Variants in RALYL observed in about 807,000 individuals in gnomAD.
The protein encoded by RALYL is RNA-binding Raly-like protein.
Under a neutral mutation model 35.1 loss-of-function variants are expected in RALYL, and 29 were observed. The observed-to-expected ratio is 0.83, with a 90% CI of 0.61 to 1.13. The LOEUF (loss-of-function observed/expected upper bound fraction) is 1.13. Among genes scored for constraint, RALYL ranks in the 50% most tolerant of loss-of-function variants. RALYL has a pLI of 0.00. For synonymous variants in RALYL, 120 were observed against 127.6 expected (o/e 0.94, Z 0.40); for missense variants, 359 against 360.4 (o/e 1.00, Z 0.03).
At chr8:84,321,975 A>G (rs1303621721) in intron 1 of RALYL, among the ~76,000 whole-genome samples, 1 of 152,098 alleles carries the variant, frequency 6.6e-6, no homozygotes. Flanking sequence ...AGAAGACCCA[A>G]AAACCCTAAA....
chr8:84,907,492 T>G (rs1349533573), intron 8 of RALYL, among the ~76,000 whole-genome samples: 4 of 152,130 alleles, frequency 2.6e-5, no homozygotes, highest in Non-Finnish European at 5.9e-5. Context: ...CTAAAATAAC[T>G]TCGAGGAGTA....
At chr8:84,293,962 A>G (rs765741143) in intron 1 of RALYL, among the ~76,000 whole-genome samples, 22 of 152,116 alleles carry the variant, frequency 1.4e-4, no homozygotes, top group Admixed American at 7.2e-4. Flanking sequence ...ACAACCTGTA[A>G]CATTATTTTT....
chr8:84,324,773 A>G (rs1056038895), intron 1 of RALYL, among the ~76,000 whole-genome samples: 10 of 152,016 alleles, frequency 6.6e-5, no homozygotes, highest in Non-Finnish European at 1.0e-4. Flanking sequence ...AAGATTTATC[A>G]CTTGACGAAT....
At chr8:84,262,194 A>G (rs1000527833) in intron 1 of RALYL, among the ~76,000 whole-genome samples, 1 of 152,130 alleles carries the variant, frequency 6.6e-6, no homozygotes, top group Non-Finnish European at 1.5e-5. Context: ...TTTAAAGCCT[A>G]GTCCTCTGAT....
At chr8:84,208,212 A>G (rs1157872735) in intron 1 of RALYL, among the ~76,000 whole-genome samples, 1 of 152,206 alleles carries the variant, frequency 6.6e-6, no homozygotes, top group Non-Finnish European at 1.5e-5. Context: ...GAAATCAGTA[A>G]TAAAAGTCTG....
At chr8:84,363,621 G>A (rs1853565232) in intron 1 of RALYL, among the ~76,000 whole-genome samples, 1 of 152,112 alleles carries the variant, frequency 6.6e-6, no homozygotes, top group Non-Finnish European at 1.5e-5. Flanking sequence ...TTCTTATAAG[G>A]GAGCATTGGC....
At chr8:84,320,843 A>AT (rs199804844) in intron 1 of RALYL, among the ~76,000 whole-genome samples, 32 of 151,764 alleles carry the variant, frequency 2.1e-4, no homozygotes, top group East Asian at 5.8e-4. Flanking sequence ...AGATTATCAG[A>AT]TTTTTTTTTC....
intron 1 of RALYL, among the ~76,000 whole-genome samples, chr8:84,400,479 G>A (rs2131957876): frequency 6.6e-6 from 1 of 152,294 alleles, no homozygotes; most frequent in South Asian, 2.1e-4. Context: ...GTTGAGTTCT[G>A]AAGAGGGCAC....
At chr8:84,211,790 A>G (rs1193314319) in intron 1 of RALYL, among the ~76,000 whole-genome samples, 1 of 152,162 alleles carries the variant, frequency 6.6e-6, no homozygotes, top group African/African-American at 2.4e-5. Flanking sequence ...ACAGATTTAG[A>G]ATTATAGAAA....
intron 1 of RALYL, among the ~76,000 whole-genome samples, chr8:84,310,690 A>C (rs997455188): frequency 3.3e-5 from 5 of 152,218 alleles, no homozygotes; most frequent in Admixed American, 1.3e-4. Flanking sequence ...GTGGATTGTC[A>C]TAACAGCATT....
intron 2 of RALYL, among the ~76,000 whole-genome samples, chr8:84,704,480 C>CACACACACA (rs145150857): frequency 1.1e-3 from 153 of 139,578 alleles, no homozygotes; most frequent in Middle Eastern, 3.9e-3. Context: ...CACACACACA[C>CACACACACA]ACAACAACTC....
chr8:84,422,126 C>T (rs997564667), intron 1 of RALYL, among the ~76,000 whole-genome samples: 1 of 146,840 alleles, frequency 6.8e-6, no homozygotes, highest in African/African-American at 2.5e-5. Context: ...AGGAATGGTA[C>T]CAGTTCCTCC....
intron 1 of RALYL, among the ~76,000 whole-genome samples, chr8:84,272,406 G>A (rs1224200294): frequency 6.6e-6 from 1 of 152,096 alleles, no homozygotes. Context: ...GTGTGTACAT[G>A]TTTAATTGAA....
At chr8:84,221,567 C>T (rs6473532) in intron 1 of RALYL, among the ~76,000 whole-genome samples, 104,682 of 151,784 alleles carry the variant, frequency 0.69, 36,894 homozygotes, top group African/African-American at 0.85. Flanking sequence ...TCAACATAAA[C>T]TGGAATAAAA....
intron 1 of RALYL, among the ~76,000 whole-genome samples, chr8:84,266,959 C>CAAAA (rs747403533): frequency 5.0e-5 from 3 of 60,328 alleles, no homozygotes; most frequent in African/African-American, 1.3e-4. Flanking sequence ...GACTCCGTCT[C>CAAAA]AAAAAAAAAA....
At chr8:84,221,124 C>T (rs1471474774) in intron 1 of RALYL, among the ~76,000 whole-genome samples, 1 of 151,876 alleles carries the variant, frequency 6.6e-6, no homozygotes, top group Non-Finnish European at 1.5e-5. Flanking sequence ...ACTCATTAAC[C>T]ACCTTAGTTT....
At chr8:84,288,714 C>G (rs1428145079) in intron 1 of RALYL, among the ~76,000 whole-genome samples, 2 of 152,032 alleles carry the variant, frequency 1.3e-5, no homozygotes, top group Non-Finnish European at 2.9e-5. Flanking sequence ...TACCTAAAAA[C>G]CTGTATGTAG....
chr8:84,532,930 G>A (rs1364225269), intron 2 of RALYL, among the ~76,000 whole-genome samples: 2 of 152,014 alleles, frequency 1.3e-5, no homozygotes, highest in Admixed American at 6.5e-5. Flanking sequence ...GGGTATCCAT[G>A]TTTATTCTTA....
intron 1 of RALYL, among the ~76,000 whole-genome samples, chr8:84,340,064 A>G (rs1277418147): frequency 6.6e-6 from 1 of 151,984 alleles, no homozygotes. Flanking sequence ...TCTCTTGCAC[A>G]TGCTCTCTTG....
Sources: gnomAD v4.1 joint callset for allele counts (sites outside exome capture counted in the v4.1 genomes callset) on GRCh38, gnomAD v4.1.1 for gene constraint, MANE v1.5 for transcripts, NCBI Gene and HGNC (gene_info 2026-07-23, HGNC 2026-07-21) for gene names.